The following CYP4F2 variants were observed in gnomAD, a reference collection of about 807,000 sequenced individuals.
CYP4F2 encodes cytochrome P450 family 4 subfamily F member 2, also known as cytochrome P450 4F2.
In CYP4F2, 58 loss-of-function variants were observed where a neutral mutation model predicts 58.9. The observed-to-expected ratio is 0.98, with a 90% CI of 0.80 to 1.23. The LOEUF is 1.23. CYP4F2 is among the 50% of genes most tolerant of loss of function. The pLI, the probability that CYP4F2 is intolerant of heterozygous loss-of-function variation, is 0.00. For synonymous variants in CYP4F2, 287 were observed against 261.1 expected (o/e 1.10, Z -0.95); for missense variants, 616 against 685.6 (o/e 0.90, Z 1.13).
chr19:15,889,754 C>T (rs1465183571), intron 6 of CYP4F2, 61 bp from the exon 7 acceptor site: 2 of 1,587,334 alleles, frequency 1.3e-6, no homozygotes, highest in Non-Finnish European at 1.7e-6. Context: ...CCAGGATCAC[C>T]TCCCACCAGC....
At position 15,878,900 on chromosome 19, in the gene CYP4F2, C is replaced by T. The variant is rs1207748972; in HGVS notation, c.1434G>A (p.Met478Ile). 7.4e-6 allele frequency: 12 copies of T among 1,613,894 alleles called. No individual in the cohort carries two copies. The highest frequency in any genetic ancestry group is 9.3e-6 in the Non-Finnish European group (11 of 1,179,986). Residue 478 changes from methionine to isoleucine, a missense_variant, in exon 13 of 13, where the codon ATG (methionine) becomes ATA (isoleucine). Physicochemically the swap from Met to Ile is conservative, Grantham distance 10 (BLOSUM62 1). Coordinates refer to ENST00000221700, the MANE Select transcript of CYP4F2 (RefSeq NM_001082.5). ...GCAGCGTGAGCGCCAGGACCACCTT[C>T]ATCTCCGCCATCGCGAACGTCTGCC... ...CIGQTFAMAE[M>I]KVVLALTLLR...
Position 15,878,833 on chromosome 19 carries a change from T to C in CYP4F2, c.1501A>G (p.Lys501Glu), listed in dbSNP as rs1241948600. The C allele has an allele frequency of 2.5e-6, 4 of 1,613,882 alleles. No homozygotes were observed. Among genetic ancestry groups the C allele is most frequent in the Non-Finnish European group, 3.4e-6 (4 of 1,179,962 alleles). Residue 501 changes from lysine to glutamate, a missense_variant, in exon 13 of 13, where the codon AAG becomes GAG. Lys to Glu is a moderately conservative substitution (Grantham distance 56). Coordinates refer to ENST00000221700, the MANE Select transcript of CYP4F2 (RefSeq NM_001082.5). ...TCTGCGCGCAGGACCAGCTCCGGCT[T>C]CCTGCGGGGCTCGGTGTGGTCAGGC... ...VLPDHTEPRR[K>E]PELVLRAEGG...
Position 15,879,680 on chromosome 19 carries a change from A to T in CYP4F2, c.1250-12T>A, listed in dbSNP as rs1408625152. 1 of 1,614,070 alleles carries T rather than the reference A, an allele frequency of 6.2e-7. No individual in the cohort carries two copies. Among genetic ancestry groups the T allele is most frequent in the South Asian group, 1.1e-5 (1 of 91,082 alleles). On this transcript the variant is annotated splice_polypyrimidine_tract_variant and intron_variant, in intron 10 of 12. Transcript: ENST00000221700. ...GAGGCAGATAATGCCTGTGGGAGAG[A>T]AGGGAGCAGTCAGGAGAAGGCCTCC...
chr19:15,879,811 T>C lies in CYP4F2; in HGVS notation c.1202A>G (p.His401Arg), dbSNP rs1435072497. The C allele has an allele frequency of 4.3e-6, 7 of 1,613,936 alleles. No individual in the cohort carries two copies. Among genetic ancestry groups the C allele is most frequent in the Admixed American group, 1.7e-5 (1 of 59,992 alleles). ...TGGGAGCACAATGTCCTGGGTGACA[T>C]GGCGGGAGATGACCGGGACTGGGGG... ...LHPPVPVISR[H>R]VTQDIVLPDG... Residue 401 changes from histidine (H) to arginine (R), a missense_variant, in exon 10 of 13, where the codon CAT (histidine) becomes CGT (arginine). His to Arg is a conservative substitution (Grantham distance 29). Coordinates refer to ENST00000221700, the MANE Select transcript of CYP4F2 (RefSeq NM_001082.5).
chr19:15,894,847 C>T (rs2145014656), intron 3 of CYP4F2, among the ~76,000 whole-genome samples: 1 of 152,274 alleles, frequency 6.6e-6, no homozygotes, highest in Middle Eastern at 3.4e-3. Context: ...TCCCCGGGAC[C>T]TGCAGCAGGA....
At chr19:15,890,993 T>A (rs1307306445) in intron 5 of CYP4F2, among the ~76,000 whole-genome samples, 1 of 152,182 alleles carries the variant, frequency 6.6e-6, no homozygotes, top group Non-Finnish European at 1.5e-5. Flanking sequence ...AAATGTTGGA[T>A]TTCCCCGTCT....
intron 9 of CYP4F2, among the ~76,000 whole-genome samples, chr19:15,882,929 G>T (rs1422449376): frequency 6.6e-6 from 1 of 152,222 alleles, no homozygotes; most frequent in African/African-American, 2.4e-5. Flanking sequence ...ACAGAAAACT[G>T]TTGACCATAG....
chr19:15,884,999 C>A (rs1599350276), intron 9 of CYP4F2, among the ~76,000 whole-genome samples: 1 of 131,372 alleles, frequency 7.6e-6, no homozygotes, highest in South Asian at 2.5e-4. Context: ...ACAGCCAGCC[C>A]CTGCTACCAT....
At chr19:15,890,033 A>G (rs564263677) in intron 6 of CYP4F2, among the ~76,000 whole-genome samples, 2 of 152,268 alleles carry the variant, frequency 1.3e-5, no homozygotes, top group East Asian at 3.9e-4. Flanking sequence ...CAACTGGTCC[A>G]TGGTCTAGCT....
In CYP4F2 at chr19:15,892,420, C is replaced by T. The variant is rs760735211; in HGVS notation, c.414G>A (p.Leu138=). The T allele has an allele frequency of 6.2e-6, 10 of 1,614,102 alleles. No individual in the cohort carries two copies. The highest frequency in any genetic ancestry group is 8.5e-6 in the Non-Finnish European group (10 of 1,180,048). Residue 138 remains leucine (L), a synonymous_variant, in exon 5 of 13, where the codon CTG becomes CTA. Transcript: ENST00000221700. ...LEPWLGDGLL[L]SAGDKWSRHR... is the part of the protein sequence containing the mutation. ...GGCGGCTCCACTTGTCACCAGCACTCAGCAGGAGCCCATCCCCTAGCAGGG... is the reference window on the plus strand; with the variant it reads ...GGCGGCTCCACTTGTCACCAGCACTTAGCAGGAGCCCATCCCCTAGCAGGG...
At chr19:15,886,416 T>A (rs2089380802) in intron 7 of CYP4F2, 108 bp from the exon 8 acceptor site, 1 of 1,457,476 alleles carries the variant, frequency 6.9e-7, no homozygotes, top group Non-Finnish European at 9.5e-7. Context: ...ATTCATCCTT[T>A]TTCCAGAAAT....
intron 9 of CYP4F2, among the ~76,000 whole-genome samples, chr19:15,884,616 T>C (rs575128204): frequency 1.3e-5 from 2 of 152,358 alleles, no homozygotes; most frequent in East Asian, 1.9e-4. Context: ...CATCTATTTA[T>C]GCAGCAATAA....
intron 11 of CYP4F2, 46 bp from the exon 12 acceptor site, chr19:15,879,474 C>T (rs762038403): frequency 2.5e-5 from 41 of 1,611,376 alleles, no homozygotes; most frequent in Middle Eastern, 3.3e-4. Context: ...TCTCCCAGTC[C>T]GCCAGCCTTG....
chr19:15,897,331 CTT>C, intron 2 of CYP4F2, 81 bp downstream of exon 2: 1 of 1,281,130 alleles, frequency 7.8e-7, no homozygotes. Context: ...CAGCCCACCC[CTT>C]CACCCCCACT....
At position 15,879,643 on chromosome 19, in the gene CYP4F2, G is replaced by A. The variant is rs757244897; in HGVS notation, c.1275C>T (p.Phe425=). Residue 425 remains phenylalanine, a synonymous_variant, in exon 11 of 13, where the codon TTC becomes TTT. Transcript: ENST00000221700. Reference sequence around the variant, plus strand: ...ACACAGCTGGGTTGTGATGGGTTCCGAAAACACTGATGAGGCAGATAATGC... The same window carrying A: ...ACACAGCTGGGTTGTGATGGGTTCCAAAAACACTGATGAGGCAGATAATGC... ...PKGIICLISV[F]GTHHNPAVWP... 5.0e-6 allele frequency: 8 copies of A among 1,614,104 alleles called. No individual in the cohort carries two copies. Among genetic ancestry groups the A allele is most frequent in the Non-Finnish European group, 5.9e-6 (7 of 1,180,020 alleles).
Position 15,886,324 on chromosome 19 carries a change from T to TA in CYP4F2, c.919-17dup. The TA allele has an allele frequency of 2.5e-6, 4 of 1,578,264 alleles. No homozygotes were observed. Among genetic ancestry groups the TA allele is most frequent in the Non-Finnish European group, 2.6e-6 (3 of 1,162,190 alleles). On this transcript the variant is annotated splice_polypyrimidine_tract_variant and intron_variant, in intron 7 of 12. Coordinates refer to ENST00000221700, the MANE Select transcript of CYP4F2 (RefSeq NM_001082.5). ...CGTCTTCATCCTGGAGAGAAGGCAG[T>TA]AACCCCCCCCAACCCCCACCCCCAT...
At chr19:15,887,672 A>G (rs563437006) in intron 7 of CYP4F2, among the ~76,000 whole-genome samples, 4 of 151,980 alleles carry the variant, frequency 2.6e-5, no homozygotes, top group Admixed American at 2.0e-4. Context: ...ACATAAACAT[A>G]GACATAGACA....
At chr19:15,894,496 A>C (rs369463527) in intron 3 of CYP4F2, among the ~76,000 whole-genome samples, 1 of 152,214 alleles carries the variant, frequency 6.6e-6, no homozygotes, top group South Asian at 2.1e-4. Context: ...CGACATGGAG[A>C]AAGCTAAAGC....
Position 15,889,463 on chromosome 19 carries a change from G to C in CYP4F2, c.878C>G (p.Ser293Cys). ...TACATCAATGAAGTCCAAAGTCTTG[G>C]ATTTGGCCTTGGCTTGGAGGAAGTC... The part of the protein sequence containing the change: ...VDDFLQAKAK[S>C]KTLDFIDVLL... The change falls in exon 7 of 13, where the codon TCC becomes TGC. Residue 293 changes from serine (S) to cysteine (C), a missense_variant. Ser to Cys is a moderately radical substitution (Grantham distance 112, BLOSUM62 -1). Transcript: ENST00000221700. 6.2e-7 allele frequency: 1 copy of C among 1,614,174 alleles called. No individual in the cohort carries two copies. The highest frequency in any genetic ancestry group is 1.1e-5 in the South Asian group (1 of 91,082).
Sources: allele counts gnomAD v4.1 joint callset (sites outside exome capture counted in the v4.1 genomes callset), GRCh38; gene constraint gnomAD v4.1.1; transcripts MANE v1.5; gene names NCBI Gene and HGNC (gene_info 2026-07-23, HGNC 2026-07-21).